Variants in BICD1 observed in about 807,000 individuals in gnomAD.
The protein encoded by BICD1 is BICD cargo adaptor 1.
A neutral mutation model predicts 92.5 loss-of-function variants in BICD1; 35 were observed. The observed-to-expected ratio is 0.38, with a 90% CI of 0.29 to 0.50. BICD1 has a LOEUF of 0.50. BICD1 is among the 20% of genes least tolerant of loss of function. The probability of loss-of-function intolerance (pLI) is 0.93; values close to 1 mark genes in which losing one functional copy is unlikely to be tolerated. For synonymous variants in BICD1, 429 were observed against 465.1 expected (o/e 0.92, Z 1.00); for missense variants, 950 against 1,189.8 (o/e 0.80, Z 2.97).
At chr12:32,346,565 T>TAC (rs1938597049) in intron 8 of BICD1, among the ~76,000 whole-genome samples, 1 of 42,338 alleles carries the variant, frequency 2.4e-5, no homozygotes, top group African/African-American at 1.8e-4. Context: ...TATATATATA[T>TAC]ATATATATAT....
chr12:32,217,231 A>G (rs1945386693), intron 2 of BICD1, among the ~76,000 whole-genome samples: 1 of 152,212 alleles, frequency 6.6e-6, no homozygotes, highest in African/African-American at 2.4e-5. Context: ...TATAGAAGAG[A>G]CGCAGACGTC....
chr12:32,153,654 G>T (rs1437602774), intron 1 of BICD1, among the ~76,000 whole-genome samples: 10 of 152,050 alleles, frequency 6.6e-5, no homozygotes. Context: ...TACTCAGGAG[G>T]CTGAGGTGGG....
At chr12:32,342,129 T>TATATATATGTGTGC (rs1938391686) in intron 8 of BICD1, among the ~76,000 whole-genome samples, 1 of 39,078 alleles carries the variant, frequency 2.6e-5, no homozygotes, top group South Asian at 7.2e-4. Context: ...TATATATGTA[T>TATATATATGTGTGC]ATATATATGT....
chr12:32,190,636 C>T (rs1030475176), intron 1 of BICD1, among the ~76,000 whole-genome samples: 6 of 152,166 alleles, frequency 3.9e-5, no homozygotes, highest in Admixed American at 2.0e-4. Flanking sequence ...AAACAGACAT[C>T]AATACAACAA....
At chr12:32,332,275 A>G (rs1937910993) in intron 5 of BICD1, among the ~76,000 whole-genome samples, 1 of 144,432 alleles carries the variant, frequency 6.9e-6, no homozygotes, top group Non-Finnish European at 1.5e-5. Flanking sequence ...AATGGATACT[A>G]GGCTTACATA....
At chr12:32,303,346 A>G (rs1948115660) in intron 3 of BICD1, among the ~76,000 whole-genome samples, 1 of 152,208 alleles carries the variant, frequency 6.6e-6, no homozygotes, top group Non-Finnish European at 1.5e-5. Context: ...AACATCTGCT[A>G]TACATATGTC....
chr12:32,305,552 A>G (rs1448614433), intron 3 of BICD1, 145 bp from the exon 4 acceptor site: 1 of 608,432 alleles, frequency 1.6e-6, no homozygotes, highest in Admixed American at 3.6e-5. Flanking sequence ...TATAACTTTA[A>G]GGATATATTG....
At position 32,170,411 on chromosome 12, in the gene BICD1, C is replaced by T. The variant is rs577189568; in HGVS notation, c.214-45836C>T. On this transcript the variant is annotated intron_variant, in intron 1 of 9. Coordinates refer to ENST00000652176, the MANE Select transcript of BICD1 (RefSeq NM_001714.4). ...ATGTCTGAGCCACTTATGAACAAAA[C>T]CTTCTTGGGCCAGAGCCTAAACATT... 3.6e-4 allele frequency among the ~76,000 whole-genome samples: 55 copies of T among 152,290 alleles called. 1 individual carries two copies. Among genetic ancestry groups the T allele is most frequent in the African/African-American group, 1.2e-3 (49 of 41,560 alleles).
chr12:32,186,634 A>G (rs1322244074), intron 1 of BICD1, among the ~76,000 whole-genome samples: 1 of 152,188 alleles, frequency 6.6e-6, no homozygotes, highest in Admixed American at 6.5e-5. Flanking sequence ...TTTGTTTCCA[A>G]ATATGGAGTG....
At chr12:32,345,550 C>T (rs1312719844) in intron 8 of BICD1, among the ~76,000 whole-genome samples, 1 of 151,958 alleles carries the variant, frequency 6.6e-6, no homozygotes, top group East Asian at 1.9e-4. Flanking sequence ...TGTGTTAATA[C>T]CATTGGCACA....
chr12:32,376,866 T>G (rs1200106323), intron 9 of BICD1, among the ~76,000 whole-genome samples: 1 of 44,750 alleles, frequency 2.2e-5, no homozygotes, highest in Non-Finnish European at 3.6e-5. Context: ...AGACTCCATC[T>G]AAAAAAAAAA....
chr12:32,336,854 G>A (rs1343936525), intron 6 of BICD1, among the ~76,000 whole-genome samples: 2 of 152,170 alleles, frequency 1.3e-5, no homozygotes, highest in East Asian at 3.9e-4. Flanking sequence ...GCTGATACCT[G>A]TAATCGCAGC....
intron 1 of BICD1, among the ~76,000 whole-genome samples, chr12:32,135,245 T>G (rs1942692904): frequency 6.6e-6 from 1 of 151,572 alleles, no homozygotes; most frequent in African/African-American, 2.4e-5. Context: ...CATGCCACCA[T>G]GCCTGGCTAA....
Position 32,237,426 on chromosome 12 carries a change from C to G in BICD1, c.426+20967C>G, listed in dbSNP as rs143928714. On this transcript the variant is annotated intron_variant, in intron 2 of 9. Transcript: ENST00000652176. ...CTGGCTTCACCAAATAACAAATCTTCAAATGTAGATGAAACGACTTTGTAT... is the reference window on the plus strand; with the variant it reads ...CTGGCTTCACCAAATAACAAATCTTGAAATGTAGATGAAACGACTTTGTAT... 7.9e-5 allele frequency among the ~76,000 whole-genome samples: 12 copies of G among 152,328 alleles called. No individual in the cohort carries two copies. The East Asian group carries it at 2.3e-3, about 29-fold the overall frequency.
At chr12:32,323,888 GTC>G (rs1199186128) in intron 4 of BICD1, among the ~76,000 whole-genome samples, 1 of 152,114 alleles carries the variant, frequency 6.6e-6, no homozygotes, top group African/African-American at 2.4e-5. Context: ...ACATTAAAAA[GTC>G]TCTTACTGTT....
At chr12:32,343,414 CAG>C (rs1938455522) in intron 8 of BICD1, among the ~76,000 whole-genome samples, 1 of 152,064 alleles carries the variant, frequency 6.6e-6, no homozygotes, top group Admixed American at 6.6e-5. Flanking sequence ...ATCAGCCTGT[CAG>C]AATACGTAAA....
At position 32,328,495 on chromosome 12, in the gene BICD1, G is replaced by T. The variant is rs1937664796; in HGVS notation, c.2040G>T (p.Leu680=). The T allele has an allele frequency of 1.9e-6, 3 of 1,614,184 alleles. No individual in the cohort carries two copies. The highest frequency in any genetic ancestry group is 2.5e-6 in the Non-Finnish European group (3 of 1,180,024). The part of the protein sequence containing the change: ...LMEEILKLKS[L]LSTKREQIAT... The stretch of plus-strand genomic sequence containing the variant: ...AAGAGATCCTCAAGCTAAAGTCCCT[G>T]CTGAGCACCAAACGGGAGCAGATCG... The change falls in exon 5 of 10, where the codon CTG becomes CTT. Residue 680 remains leucine (L), a synonymous_variant. Coordinates refer to ENST00000652176, the MANE Select transcript of BICD1 (RefSeq NM_001714.4). The surrounding 1 kb of genome is among the most constrained non-coding windows in gnomAD (Gnocchi z 4.4).
intron 1 of BICD1, among the ~76,000 whole-genome samples, chr12:32,118,091 A>ATTTTATTTTATTTTATTTTATTTT (rs1555126592): frequency 4.3e-5 from 2 of 46,832 alleles, no homozygotes; most frequent in Non-Finnish European, 9.7e-5. Context: ...TATTTTATTT[A>ATTTTATTTTATTTTATTTTATTTT]TTTTTTTTGA....
chr12:32,305,469 TTTATG>T (rs1948186628), intron 3 of BICD1, among the ~76,000 whole-genome samples: 1 of 151,348 alleles, frequency 6.6e-6, no homozygotes, highest in East Asian at 1.9e-4. Flanking sequence ...ATATATAACA[TTTATG>T]TTATATCACT....
Sources: allele counts gnomAD v4.1 joint callset (sites outside exome capture counted in the v4.1 genomes callset), GRCh38; gene constraint gnomAD v4.1.1; non-coding constraint Gnocchi (gnomAD v3.1); transcripts MANE v1.5; gene names NCBI Gene and HGNC (gene_info 2026-07-23, HGNC 2026-07-21).